The following EXOC6 variants were observed in gnomAD, a reference collection of about 807,000 sequenced individuals.
EXOC6 encodes the protein exocyst complex component 6, also known as SEC15-like 1.
EXOC6 carries 60 observed loss-of-function variants against 112.5 expected under a neutral mutation model. The ratio of observed to expected loss-of-function variants is 0.53; its 90% CI spans 0.43 to 0.66. EXOC6 has a LOEUF of 0.66. Among genes scored for constraint, EXOC6 ranks in the 30% least tolerant of loss-of-function variants. The probability of loss-of-function intolerance (pLI) is 0.00; values close to 1 mark genes in which losing one functional copy is unlikely to be tolerated. For missense variants in EXOC6, 855 were observed against 957.1 expected (o/e 0.89, Z 1.41); for synonymous variants, 295 against 308.0 (o/e 0.96, Z 0.44).
Position 92,848,562 on chromosome 10 carries a change from C to A in EXOC6, c.29C>A (p.Thr10Asn). ...GCGGAGAACAGCGAGAGTCTGGGCA[C>A]CGTCCCCGAGCACGAGCGGATCTTG... MAENSESLG[T>N]VPEHERILQE... Residue 10 changes from threonine (T) to asparagine (N), a missense_variant, in exon 1 of 22, where the codon ACC becomes AAC. Physicochemically the swap from Thr to Asn is moderately conservative, Grantham distance 65. Coordinates refer to ENST00000260762, the MANE Select transcript of EXOC6 (RefSeq NM_019053.6). 6.9e-7 allele frequency: 1 copy of A among 1,446,298 alleles called. No homozygotes were observed. Among genetic ancestry groups the A allele is most frequent in the Non-Finnish European group, 9.2e-7 (1 of 1,082,040 alleles). 89.6% of individuals were successfully genotyped at this position (1,446,298 alleles called of 1,614,324 possible). A position where few individuals can be genotyped will look rare whatever the true frequency, so the allele number is the denominator to read the frequency against.
At chr10:92,973,334 A>G (rs1842371564) in intron 17 of EXOC6, among the ~76,000 whole-genome samples, 1 of 152,236 alleles carries the variant, frequency 6.6e-6, no homozygotes, top group African/African-American at 2.4e-5. Flanking sequence ...GAGGAAGAAT[A>G]ATGGAAATAG....
intron 12 of EXOC6, among the ~76,000 whole-genome samples, chr10:92,936,316 C>A (rs906012298): frequency 2.6e-5 from 4 of 152,102 alleles, no homozygotes; most frequent in African/African-American, 9.7e-5. Flanking sequence ...AGCTTTAGAT[C>A]CTTATTTGTG....
At chr10:93,008,630 A>G (rs1844101820) in intron 19 of EXOC6, among the ~76,000 whole-genome samples, 1 of 152,242 alleles carries the variant, frequency 6.6e-6, no homozygotes, top group African/African-American at 2.4e-5. Flanking sequence ...AAAAATTTAA[A>G]AGATTAAAAT....
At chr10:92,987,944 A>T (rs895482654) in intron 18 of EXOC6, among the ~76,000 whole-genome samples, 1 of 152,202 alleles carries the variant, frequency 6.6e-6, no homozygotes, top group Non-Finnish European at 1.5e-5. Context: ...GTATGTGGCA[A>T]CATATACCCT....
At chr10:92,931,544 A>G (rs1164629962) in intron 9 of EXOC6, among the ~76,000 whole-genome samples, 1 of 151,528 alleles carries the variant, frequency 6.6e-6, no homozygotes, top group Non-Finnish European at 1.5e-5. Flanking sequence ...TTTATTTGCC[A>G]TCAGTTTATC....
chr10:93,021,042 AC>A (rs1000669096), intron 20 of EXOC6, among the ~76,000 whole-genome samples: 13 of 151,968 alleles, frequency 8.6e-5, no homozygotes, highest in Non-Finnish European at 4.4e-5. Flanking sequence ...GTCTGTCAAC[AC>A]ACCTGGGCAG....
In EXOC6 at chr10:92,891,585, G is replaced by A. The variant is rs183630476; in HGVS notation, c.102-1764G>A. ...CAACCTCTGCCTCCCGGGTTCAAGC[G>A]ATTCTCCTGCCTCAGCCTCCTGAGT... On this transcript the variant is annotated intron_variant, in intron 1 of 21. Coordinates refer to ENST00000260762, the MANE Select transcript of EXOC6 (RefSeq NM_019053.6). Among the ~76,000 whole-genome samples the A allele has an allele frequency of 6.0e-4, 92 of 152,136 alleles. No homozygotes were observed. In the East Asian group the frequency reaches 0.012, roughly 19 times the overall value.
chr10:93,008,174 CAAAA>C, intron 19 of EXOC6, among the ~76,000 whole-genome samples: 1 of 150,824 alleles, frequency 6.6e-6, no homozygotes, highest in South Asian at 2.1e-4. Flanking sequence ...GACTCCATCT[CAAAA>C]AAAGAAAAGA....
At chr10:92,982,190 A>C (rs1216185531) in intron 18 of EXOC6, among the ~76,000 whole-genome samples, 1 of 152,084 alleles carries the variant, frequency 6.6e-6, no homozygotes, top group East Asian at 1.9e-4. Context: ...ATGGTTCTCT[A>C]TGTGGTAATT....
At chr10:93,040,063 C>G (rs73319347) in intron 20 of EXOC6, among the ~76,000 whole-genome samples, 4,814 of 152,238 alleles carry the variant, frequency 0.032, 163 homozygotes, top group African/African-American at 0.081. Context: ...TCTCTATCAC[C>G]ATCAACCTCT....
rs10617958 is a variant in EXOC6, at chr10:92,859,821, ATGTGTGTGTGTGTGTGTGTGTG to A, written c.101+11207_101+11228del. 3.0e-4 allele frequency among the ~76,000 whole-genome samples: 43 copies of A among 141,700 alleles called. No homozygotes were observed. In the East Asian group the frequency reaches 6.9e-3, roughly 23 times the overall value. The allele number at this position is 141,700 out of a possible 152,430, so 93.0% of individuals were successfully genotyped here. On this transcript the variant is annotated intron_variant, in intron 1 of 21. Transcript: ENST00000260762. ...TGTGTGTGTGTGCACGTTTGTGTGCATGTGTGTGTGTGTGTGTGTGTGTGTGTGTGTGTGTGTGTGTTGGAGG... is the reference window on the plus strand; with the variant it reads ...TGTGTGTGTGTGCACGTTTGTGTGCATGTGTGTGTGTGTGTGTGTTGGAGG...
At chr10:93,022,872 T>A (rs1264992354) in intron 20 of EXOC6, among the ~76,000 whole-genome samples, 1 of 152,154 alleles carries the variant, frequency 6.6e-6, no homozygotes, top group Non-Finnish European at 1.5e-5. Flanking sequence ...CCTTACTTCA[T>A]AAAGCTATTT....
intron 17 of EXOC6, among the ~76,000 whole-genome samples, chr10:92,963,737 C>A (rs1293618285): frequency 6.6e-6 from 1 of 152,082 alleles, no homozygotes; most frequent in East Asian, 1.9e-4. Flanking sequence ...TAAGTGATCT[C>A]CTGCCTCAGC....
intron 20 of EXOC6, among the ~76,000 whole-genome samples, chr10:93,042,333 C>T (rs1461843827): frequency 2.0e-5 from 3 of 152,192 alleles, no homozygotes; most frequent in Non-Finnish European, 4.4e-5. Context: ...AATTGATGCT[C>T]TGATAATAGC....
At chr10:92,832,930 T>A (rs1421156020), upstream of EXOC6, among the ~76,000 whole-genome samples, 2 of 152,190 alleles carry the variant, frequency 1.3e-5, no homozygotes, top group Non-Finnish European at 2.9e-5. Context: ...CCCAAAGTGG[T>A]GGGATTACGG....
upstream of EXOC6, chr10:92,831,408 ATTCTTCT>A: frequency 2.9e-6 from 3 of 1,036,120 alleles, no homozygotes; most frequent in Non-Finnish European, 3.9e-6. Context: ...AGAGTATAGT[ATTCTTCT>A]ATACTATATT....
chr10:92,967,672 G>A (rs1387182957), intron 17 of EXOC6, among the ~76,000 whole-genome samples: 2 of 152,064 alleles, frequency 1.3e-5, no homozygotes, highest in African/African-American at 4.8e-5. Flanking sequence ...TATATTAGAG[G>A]CATCCCAAAA....
At chr10:92,935,051 A>G (rs2133957036) in intron 11 of EXOC6, among the ~76,000 whole-genome samples, 1 of 152,090 alleles carries the variant, frequency 6.6e-6, no homozygotes, top group South Asian at 2.1e-4. Flanking sequence ...TTCATACTTA[A>G]AATTTTGTCT....
intron 1 of EXOC6, among the ~76,000 whole-genome samples, chr10:92,882,782 T>G (rs1738594103): frequency 6.6e-6 from 1 of 152,184 alleles, no homozygotes; most frequent in Admixed American, 6.5e-5. Context: ...AAGTCTCACT[T>G]CAGACTCTAA....
Sources: gnomAD v4.1 joint callset for allele counts (sites outside exome capture counted in the v4.1 genomes callset) on GRCh38, gnomAD v4.1.1 for gene constraint, MANE v1.5 for transcripts, NCBI Gene and HGNC (gene_info 2026-07-23, HGNC 2026-07-21) for gene names.